Variants in CCBE1 observed in about 807,000 individuals in gnomAD.
CCBE1 encodes collagen and calcium binding EGF domains 1.
A neutral mutation model predicts 50.0 loss-of-function variants in CCBE1; 37 were observed. The observed-to-expected ratio is 0.74, with a 90% CI of 0.57 to 0.97. CCBE1 has a LOEUF of 0.97. CCBE1 is among the 50% of genes least tolerant of loss of function. The probability of loss-of-function intolerance (pLI) is 0.00; values close to 1 mark genes in which losing one functional copy is unlikely to be tolerated. For missense variants in CCBE1, 538 were observed against 523.8 expected, an observed-to-expected ratio of 1.03 and a Z score of -0.26; for synonymous variants, 234 against 203.7, an observed-to-expected ratio of 1.15 and a Z score of -1.27.
At chr18:59,541,728 C>A (rs552979785) in intron 2 of CCBE1, among the ~76,000 whole-genome samples, 2 of 152,014 alleles carry the variant, frequency 1.3e-5, no homozygotes, top group Non-Finnish European at 2.9e-5. Flanking sequence ...GGAAAGATTT[C>A]GGAAAAGGAA....
chr18:59,444,576 T>C (rs755370808), intron 7 of CCBE1, among the ~76,000 whole-genome samples: 15 of 151,984 alleles, frequency 9.9e-5, no homozygotes, highest in Non-Finnish European at 1.6e-4. Flanking sequence ...GAATGCAGTG[T>C]TGTTTTCATG....
chr18:59,596,697 A>G (rs188532047), intron 2 of CCBE1, among the ~76,000 whole-genome samples: 1 of 152,348 alleles, frequency 6.6e-6, no homozygotes, highest in East Asian at 1.9e-4. Flanking sequence ...TGAGACAGCA[A>G]GAGTCCTGAG....
rs756987434 is a variant in CCBE1, at chr18:59,439,526, C to A, written c.951+17G>T. On this transcript the variant is annotated intron_variant, in intron 9 of 10. Coordinates refer to ENST00000439986, the MANE Select transcript of CCBE1 (RefSeq NM_133459.4). The stretch of plus-strand genomic sequence containing the variant: ...GTGAGAGACCTTTAGCTTGTGAGGA[C>A]CACTCATAAGGCTTACCTTAGAACC... The A allele has an allele frequency of 9.9e-5, 160 of 1,613,860 alleles. No homozygotes were observed. The highest frequency in any genetic ancestry group is 1.3e-4 in the Non-Finnish European group (148 of 1,179,848).
At chr18:59,475,740 T>C (rs1912276353) in intron 3 of CCBE1, among the ~76,000 whole-genome samples, 1 of 152,050 alleles carries the variant, frequency 6.6e-6, no homozygotes, top group Non-Finnish European at 1.5e-5. Flanking sequence ...TTTTTTGAGA[T>C]GGAGTCTCGT....
intron 2 of CCBE1, among the ~76,000 whole-genome samples, chr18:59,681,242 C>T (rs1348080602): frequency 3.9e-5 from 6 of 152,102 alleles, no homozygotes; most frequent in South Asian, 4.1e-4. Flanking sequence ...GAAGTCTTTA[C>T]GAGGGCCCTT....
intron 2 of CCBE1, among the ~76,000 whole-genome samples, chr18:59,527,138 T>A (rs1221977196): frequency 6.6e-6 from 1 of 152,178 alleles, no homozygotes; most frequent in Non-Finnish European, 1.5e-5. Flanking sequence ...GAAGTATAAG[T>A]CTCCTTGTAG....
intron 4 of CCBE1, among the ~76,000 whole-genome samples, chr18:59,468,174 A>G (rs756223396): frequency 6.6e-6 from 1 of 152,188 alleles, no homozygotes; most frequent in South Asian, 2.1e-4. Flanking sequence ...AGCTGAGCCC[A>G]GGAGTTCCAG....
At chr18:59,443,881 C>T (rs952256579) in intron 7 of CCBE1, among the ~76,000 whole-genome samples, 1 of 152,120 alleles carries the variant, frequency 6.6e-6, no homozygotes, top group Admixed American at 6.6e-5. Flanking sequence ...TCTAGACCAC[C>T]GAATAACTCC....
Position 59,596,255 on chromosome 18 carries a change from C to T in CCBE1, c.212+100374G>A, listed in dbSNP as rs148914525. Among the ~76,000 whole-genome samples, 210 of 152,254 alleles carry T rather than the reference C, an allele frequency of 1.4e-3. 1 individual carries two copies. Among genetic ancestry groups the T allele is most frequent in the African/African-American group, 1.7e-3 (71 of 41,546 alleles). The stretch of plus-strand genomic sequence containing the variant: ...CACAGGGGAGAGAAAGCTGCTTGGA[C>T]GTAAAGTACCAATGTCAGGGTCCAC... On this transcript the variant is annotated intron_variant, in intron 2 of 10. Transcript: ENST00000439986.
At chr18:59,493,578 A>G (rs965906079) in intron 2 of CCBE1, among the ~76,000 whole-genome samples, 3 of 152,054 alleles carry the variant, frequency 2.0e-5, no homozygotes, top group African/African-American at 7.3e-5. Context: ...AAGCTGGAGC[A>G]TAGAGCACTT....
chr18:59,529,211 T>G (rs1217980169), intron 2 of CCBE1, among the ~76,000 whole-genome samples: 2 of 152,176 alleles, frequency 1.3e-5, no homozygotes, highest in Admixed American at 1.3e-4. Flanking sequence ...TGAGGAGAGA[T>G]GGGTCAGGGT....
intron 2 of CCBE1, among the ~76,000 whole-genome samples, chr18:59,685,205 A>T (rs1160675567): frequency 2.0e-5 from 3 of 152,194 alleles, no homozygotes; most frequent in African/African-American, 7.2e-5. Context: ...ACAATACAAA[A>T]TAAAGAGTGA....
chr18:59,666,619 T>TG (rs202141908), intron 2 of CCBE1, among the ~76,000 whole-genome samples: 12 of 136,250 alleles, frequency 8.8e-5, no homozygotes, highest in Non-Finnish European at 1.4e-4. Flanking sequence ...TTTTTTGAGG[T>TG]GGGGGGGTGG....
In CCBE1 at chr18:59,469,669, G is replaced by A. The variant is rs1377873520; in HGVS notation, c.266-62C>T. On this transcript the variant is annotated intron_variant, in intron 3 of 10. Transcript: ENST00000439986. ...GAGGAGGCGGAGTAACCTGGCCCTG[G>A]CCTGGAAAGGACTTTCTGGGCTGGG... 11 of 1,608,228 alleles carry A rather than the reference G, an allele frequency of 6.8e-6. No individual in the cohort carries two copies. In the Admixed American group the frequency reaches 1.5e-4, roughly 22 times the overall value.
Position 59,438,307 on chromosome 18 carries a change from T to C in CCBE1, c.952-161A>G, listed in dbSNP as rs1034020220. On this transcript the variant is annotated intron_variant, in intron 9 of 10. Transcript: ENST00000439986. ...GAGCTGGACTCACGGGACCACTTAT[T>C]TGAACAGGACTGCTTGGGTCAAGTG... Among the ~76,000 whole-genome samples the C allele has an allele frequency of 3.3e-5, 5 of 152,368 alleles. No homozygotes were observed. In the East Asian group the frequency reaches 7.7e-4, roughly 24 times the overall value.
rs1272488801 is a variant in CCBE1 at position 59,527,320 on chromosome 18, C to A, written c.213-47082G>T. 3.3e-5 allele frequency among the ~76,000 whole-genome samples: 5 copies of A among 152,226 alleles called. No homozygotes were observed. In the East Asian group the frequency reaches 9.6e-4, roughly 29 times the overall value. ...TCTGTTTTATCAGAAACTAGGATTG[C>A]AACCCTGTTCTTTTCTTCTTTCCAT... On this transcript the variant is annotated intron_variant, in intron 2 of 10. Transcript: ENST00000439986.
chr18:59,505,238 G>GTTCC (rs1433005074), intron 2 of CCBE1, among the ~76,000 whole-genome samples: 1 of 152,188 alleles, frequency 6.6e-6, no homozygotes, highest in Non-Finnish European at 1.5e-5. Flanking sequence ...TGACTACTGT[G>GTTCC]TTCCTCTTCC....
chr18:59,606,999 C>T (rs1278266676), intron 2 of CCBE1, among the ~76,000 whole-genome samples: 1 of 148,650 alleles, frequency 6.7e-6, no homozygotes, highest in Non-Finnish European at 1.5e-5. Context: ...GTGACCGGTG[C>T]AGGGCCTGGC....
intron 2 of CCBE1, among the ~76,000 whole-genome samples, chr18:59,499,384 A>G (rs1029859613): frequency 3.3e-5 from 5 of 152,144 alleles, no homozygotes; most frequent in South Asian, 4.2e-4. Context: ...CACCAGGTGT[A>G]TTAGTCCGTT....
Sources: allele counts gnomAD v4.1 joint callset (sites outside exome capture counted in the v4.1 genomes callset), GRCh38; gene constraint gnomAD v4.1.1; transcripts MANE v1.5; gene names NCBI Gene and HGNC (gene_info 2026-07-23, HGNC 2026-07-21).